CAPZB: variants seen among roughly 807,000 people sequenced by gnomAD.
The protein encoded by CAPZB is capping actin protein of muscle Z-line subunit beta.
In CAPZB, 2 loss-of-function variants were observed where a neutral mutation model predicts 38.1. The ratio of observed to expected loss-of-function variants is 0.05; its 90% CI spans 0.02 to 0.17. The LOEUF is 0.17. CAPZB is among the 10% of genes least tolerant of loss of function. The pLI, the probability that CAPZB is intolerant of heterozygous loss-of-function variation, is 1.00. For missense variants in CAPZB, 161 were observed against 334.2 expected (o/e 0.48, Z 4.04); for synonymous variants, 107 against 127.4 (o/e 0.84, Z 1.08).
intron 1 of CAPZB, among the ~76,000 whole-genome samples, chr1:19,439,146 T>C (rs1277618819): frequency 6.6e-6 from 1 of 152,164 alleles, no homozygotes; most frequent in African/African-American, 2.4e-5. Context: ...CGGCTTGGGC[T>C]GGCCCATCTG....
rs1395869675 is a variant in CAPZB at position 19,452,750 on chromosome 1, CT to C, written c.3+32685del. On this transcript the variant is annotated intron_variant, in intron 1 of 8. Coordinates refer to ENST00000264202, the MANE Select transcript of CAPZB (RefSeq NM_004930.5). ...CCCTCCTGCCACTGGACCCTCACCA[CT>C]CCCCTCCAAGCCCCACCTTCGGCAG... 7.2e-5 allele frequency among the ~76,000 whole-genome samples: 11 copies of C among 152,110 alleles called. No individual in the cohort carries two copies. The East Asian group carries it at 2.1e-3, about 29-fold the overall frequency.
chr1:19,451,183 C>CT (rs1211516857), intron 1 of CAPZB, among the ~76,000 whole-genome samples: 3 of 152,208 alleles, frequency 2.0e-5, no homozygotes, highest in African/African-American at 7.2e-5. Context: ...TTAACCATAT[C>CT]TTAGTCCAAG....
chr1:19,390,981 C>T (rs1248428068), intron 2 of CAPZB, among the ~76,000 whole-genome samples: 3 of 152,142 alleles, frequency 2.0e-5, no homozygotes, highest in African/African-American at 4.8e-5. Context: ...ACCGGAGCCA[C>T]GCAGCTACGG....
At chr1:19,437,851 T>C (rs191006686) in intron 1 of CAPZB, among the ~76,000 whole-genome samples, 3 of 152,342 alleles carry the variant, frequency 2.0e-5, no homozygotes, top group Admixed American at 2.0e-4. Context: ...TCATAAGTTC[T>C]GTGACCAAAA....
At chr1:19,345,745 G>A (rs1309347973) in intron 6 of CAPZB, among the ~76,000 whole-genome samples, 3 of 152,278 alleles carry the variant, frequency 2.0e-5, no homozygotes, top group Non-Finnish European at 4.4e-5. Context: ...AGTCTCGCAG[G>A]GAGGGACAGA....
intron 2 of CAPZB, among the ~76,000 whole-genome samples, chr1:19,409,094 T>A (rs1220777269): frequency 6.6e-6 from 1 of 152,172 alleles, no homozygotes. Flanking sequence ...AAAACAATGT[T>A]TCCCAAAGCA....
chr1:19,468,760 C>T (rs1410659752), intron 1 of CAPZB, among the ~76,000 whole-genome samples: 1 of 152,170 alleles, frequency 6.6e-6, no homozygotes, highest in Non-Finnish European at 1.5e-5. Flanking sequence ...CCAGCACCCG[C>T]CATGCCCTCC....
chr1:19,392,528 TA>T (rs58626568), intron 2 of CAPZB, among the ~76,000 whole-genome samples: 43,790 of 129,248 alleles, frequency 0.34, 7,012 homozygotes, highest in Middle Eastern at 0.44. Context: ...TCTTAAGAAT[TA>T]AAAAAAAAAA....
At chr1:19,425,485 A>G (rs2094419054) in intron 1 of CAPZB, among the ~76,000 whole-genome samples, 1 of 152,122 alleles carries the variant, frequency 6.6e-6, no homozygotes, top group South Asian at 2.1e-4. Context: ...TAGGATGTCA[A>G]ATAATAAGGA....
At chr1:19,433,453 C>G (rs1317215343) in intron 1 of CAPZB, among the ~76,000 whole-genome samples, 1 of 152,142 alleles carries the variant, frequency 6.6e-6, no homozygotes, top group Non-Finnish European at 1.5e-5. Flanking sequence ...TTCACATAAA[C>G]CAAACAGATT....
At chr1:19,343,865 G>A (rs888108116) in intron 8 of CAPZB, among the ~76,000 whole-genome samples, 3 of 152,204 alleles carry the variant, frequency 2.0e-5, no homozygotes, top group Non-Finnish European at 4.4e-5. Flanking sequence ...CCCTGAGAAC[G>A]CCCAGGCTGA....
At chr1:19,353,885 TCCTGCTTGCGGGG>T (rs2094005661) in intron 6 of CAPZB, among the ~76,000 whole-genome samples, 1 of 152,322 alleles carries the variant, frequency 6.6e-6, no homozygotes, top group African/African-American at 2.4e-5. Context: ...GCAGGGTTGA[TCCTGCTTGCGGGG>T]CCTGCTTGCT....
Position 19,357,332 on chromosome 1 carries a change from C to T in CAPZB, c.471+90G>A. ...AGGGGTTCAGAGATCACAGCATCCC[C>T]CTACTGCATCTGTTAGAGAGCAGCG... is the stretch of plus-strand genomic sequence containing the variant. On this transcript the variant is annotated intron_variant, in intron 5 of 8. Transcript: ENST00000264202. This position sits in a 1 kb window ranked among gnomAD's most constrained non-coding sequence, Gnocchi z 4.3. 2 of 1,191,728 alleles carry T rather than the reference C, an allele frequency of 1.7e-6. No homozygotes were observed. Among genetic ancestry groups the T allele is most frequent in the South Asian group, 2.7e-5 (2 of 75,024 alleles). 73.8% of individuals were successfully genotyped at this position (1,191,728 alleles called of 1,614,324 possible).
chr1:19,362,920 G>A (rs189159695), intron 4 of CAPZB, among the ~76,000 whole-genome samples: 36 of 152,268 alleles, frequency 2.4e-4, no homozygotes, highest in African/African-American at 8.2e-4. Context: ...CCAGGAAGAT[G>A]AGGAGGGGGT....
At chr1:19,400,413 A>T (rs12022399) in intron 2 of CAPZB, among the ~76,000 whole-genome samples, 48,740 of 152,060 alleles carry the variant, frequency 0.32, 7,892 homozygotes, top group Middle Eastern at 0.39. Context: ...TGAGCGTGCC[A>T]TGCCCTCCTC....
chr1:19,477,676 C>A (rs1004423132), intron 1 of CAPZB, among the ~76,000 whole-genome samples: 4 of 152,212 alleles, frequency 2.6e-5, no homozygotes, highest in African/African-American at 4.8e-5. Context: ...GGCACCGGTA[C>A]CACCGGAAAA....
intron 1 of CAPZB, 36 bp from the exon 2 acceptor site, chr1:19,419,786 T>C (rs41264089): frequency 1.5e-5 from 19 of 1,226,326 alleles, no homozygotes; most frequent in Non-Finnish European, 2.1e-5. Flanking sequence ...TCAGTCATTT[T>C]TGCCAGAAGG....
At chr1:19,452,275 G>A (rs1039900817) in intron 1 of CAPZB, among the ~76,000 whole-genome samples, 4 of 152,104 alleles carry the variant, frequency 2.6e-5, no homozygotes, top group Non-Finnish European at 5.9e-5. Context: ...CCCCCGCAAC[G>A]GCTCTAGGGC....
chr1:19,472,336 A>G (rs2094591667), intron 1 of CAPZB, among the ~76,000 whole-genome samples: 2 of 152,152 alleles, frequency 1.3e-5, no homozygotes, highest in African/African-American at 4.8e-5. Flanking sequence ...ATCTCTTTCA[A>G]CATCTCTGGG....
Sources: allele counts gnomAD v4.1 joint callset (sites outside exome capture counted in the v4.1 genomes callset), GRCh38; gene constraint gnomAD v4.1.1; non-coding constraint Gnocchi (gnomAD v3.1); transcripts MANE v1.5; gene names NCBI Gene and HGNC (gene_info 2026-07-23, HGNC 2026-07-21).